Variants in OPHN1 observed in about 807,000 individuals in gnomAD.
OPHN1 encodes oligophrenin-1.
Under a neutral mutation model 60.7 loss-of-function variants are expected in OPHN1, and 11 were observed. The observed-to-expected ratio is 0.18, with a 90% confidence interval of 0.11 to 0.30. The LOEUF (loss-of-function observed/expected upper bound fraction) is 0.30, where lower values mean the gene tolerates loss of function less well. OPHN1 is among the 10% of genes least tolerant of loss of function. The probability of loss-of-function intolerance (pLI) is 1.00; values close to 1 mark genes in which losing one functional copy is unlikely to be tolerated. For synonymous variants in OPHN1, 226 were observed against 222.6 expected (o/e 1.02, Z -0.14); for missense variants, 449 against 611.0 (o/e 0.73, Z 2.80).
chrX:68,104,772 A>G (rs139664092), intron 18 of OPHN1, among the ~76,000 whole-genome samples: 15 of 112,314 alleles, frequency 1.3e-4, no homozygotes, highest in Non-Finnish European at 2.8e-4. Flanking sequence ...TGACTAAAAC[A>G]GCAAAAGCAA....
At chrX:68,052,652 C>T in intron 22 of OPHN1, 62 bp from the exon 23 acceptor site, 1 of 1,032,063 alleles carries the variant, frequency 9.7e-7, no homozygotes. Flanking sequence ...GAACCAATGG[C>T]CAACAGAAAG....
chrX:68,147,311 G>A (rs2077267951), intron 15 of OPHN1, among the ~76,000 whole-genome samples: 1 of 112,052 alleles, frequency 8.9e-6, no homozygotes, highest in African/African-American at 3.2e-5. Context: ...AATTCAGTGT[G>A]ATTGGGAGAG....
At chrX:68,053,564 C>T (rs1313444660) in intron 22 of OPHN1, 81 bp downstream of exon 22, 6 of 1,017,786 alleles carry the variant, frequency 5.9e-6, no homozygotes, top group Non-Finnish European at 8.2e-6. Context: ...GCACTGTATA[C>T]CCTTAATATG....
intron 6 of OPHN1, among the ~76,000 whole-genome samples, chrX:68,226,318 C>G (rs2077692150): frequency 9.0e-6 from 1 of 111,621 alleles, no homozygotes; most frequent in Non-Finnish European, 1.9e-5. Flanking sequence ...AGGATATTAT[C>G]CAGGAGAACT....
chrX:68,094,161 A>G (rs1279075780), intron 19 of OPHN1, among the ~76,000 whole-genome samples: 1 of 110,514 alleles, frequency 9.0e-6, no homozygotes, highest in African/African-American at 3.3e-5. Flanking sequence ...TGAAATGACT[A>G]CCCTCTCTCC....
At chrX:68,391,758 A>C (rs1223435149) in intron 2 of OPHN1, among the ~76,000 whole-genome samples, 3 of 111,417 alleles carry the variant, frequency 2.7e-5, no homozygotes, top group Non-Finnish European at 3.8e-5. Flanking sequence ...TGGAGGAGAG[A>C]AGTCAGTAAT....
intron 2 of OPHN1, among the ~76,000 whole-genome samples, chrX:68,354,823 T>C (rs2147709269): frequency 9.0e-6 from 1 of 111,414 alleles, no homozygotes; most frequent in East Asian, 2.8e-4. Context: ...GTAGTTCAAA[T>C]TCTGGCCATA....
At chrX:68,398,296 A>G (rs775799681) in intron 2 of OPHN1, among the ~76,000 whole-genome samples, 11 of 111,961 alleles carry the variant, frequency 9.8e-5, no homozygotes, top group African/African-American at 3.6e-4. Flanking sequence ...CAGTGCCCCA[A>G]TGCTTGCATG....
At chrX:68,217,166 C>T (rs1005888824) in intron 6 of OPHN1, among the ~76,000 whole-genome samples, 7 of 111,907 alleles carry the variant, frequency 6.3e-5, no homozygotes, top group Non-Finnish European at 1.1e-4. Context: ...AAAGGGGTGA[C>T]GGATGGCACC....
chrX:68,341,777 C>CA lies in OPHN1; in HGVS notation c.155-42682dup, dbSNP rs769044214. 3.7e-4 allele frequency among the ~76,000 whole-genome samples: 41 copies of CA among 110,112 alleles called. 3 individuals carry two copies. In the East Asian group the frequency reaches 5.8e-3, roughly 16 times the overall value. ...CACTTGAGCCTGGAGGTCACTGCTG[C>CA]AGTGAGTCATGATCGTGCCACTGCA... On this transcript the variant is annotated intron_variant, in intron 2 of 24. Coordinates refer to ENST00000355520, the MANE Select transcript of OPHN1 (RefSeq NM_002547.3).
At chrX:68,393,371 C>T (rs2078663808) in intron 2 of OPHN1, among the ~76,000 whole-genome samples, 2 of 111,877 alleles carry the variant, frequency 1.8e-5, no homozygotes, top group Admixed American at 1.9e-4. Flanking sequence ...GCTCAGTGCA[C>T]CCTCAAACTC....
chrX:68,350,229 C>T (rs769946971), intron 2 of OPHN1, among the ~76,000 whole-genome samples: 66 of 111,068 alleles, frequency 5.9e-4, no homozygotes, highest in African/African-American at 2.1e-3. Flanking sequence ...AAAATATGTA[C>T]ATCTATTATG....
chrX:68,263,323 T>A (rs2077903981), intron 5 of OPHN1, among the ~76,000 whole-genome samples: 1 of 111,871 alleles, frequency 8.9e-6, no homozygotes, highest in Admixed American at 9.5e-5. Flanking sequence ...CCTCTTCATA[T>A]GCCAGTAGCC....
chrX:68,092,652 T>G (rs2077023127), intron 19 of OPHN1, among the ~76,000 whole-genome samples: 1 of 111,449 alleles, frequency 9.0e-6, no homozygotes, highest in Non-Finnish European at 1.9e-5. Context: ...AATGGCCTCC[T>G]ATTATATCCT....
chrX:68,149,437 T>C (rs760953334), intron 15 of OPHN1, among the ~76,000 whole-genome samples: 5 of 111,876 alleles, frequency 4.5e-5, no homozygotes, highest in Non-Finnish European at 9.4e-5. Context: ...TTTCTCATAA[T>C]TAGTATCATT....
chrX:68,119,327 T>G lies in OPHN1; in HGVS notation c.1282A>C (p.Lys428Gln). Reference protein sequence around the residue: ...QKLLNAFFDPKCPGDVDFHNS... With the variant: ...QKLLNAFFDPQCPGDVDFHNS... ...TGAAAATCAACATCTCCTGGGCATT[T>G]AGGATCTATTTGAGAAAAGTAAACA... is the stretch of plus-strand genomic sequence containing the variant. The change falls in exon 16 of 25, where the codon AAA (lysine) becomes CAA (glutamine). Residue 428 changes from lysine (K) to glutamine (Q), a missense_variant. Lys to Gln is a moderately conservative substitution (Grantham distance 53). This residue lies in a region of OPHN1 where 166 missense variants were observed against 278.4 expected (regional missense o/e 0.60). Transcript: ENST00000355520. The G allele has an allele frequency of 8.5e-7, 1 of 1,173,827 alleles. No homozygotes were observed. The highest frequency in any genetic ancestry group is 3.0e-5 in the East Asian group (1 of 33,669).
chrX:68,260,877 T>C (rs1414928327), intron 5 of OPHN1, among the ~76,000 whole-genome samples: 1 of 111,647 alleles, frequency 9.0e-6, no homozygotes, highest in African/African-American at 3.3e-5. Flanking sequence ...CACTGGCCTT[T>C]GGAATGCAGA....
chrX:68,127,990 A>C (rs2077178441), intron 15 of OPHN1, among the ~76,000 whole-genome samples: 1 of 111,733 alleles, frequency 8.9e-6, no homozygotes, highest in South Asian at 3.8e-4. Context: ...AAGGAGATAG[A>C]ATAATCATTA....
intron 2 of OPHN1, among the ~76,000 whole-genome samples, chrX:68,306,726 T>A (rs748212334): frequency 1.8e-5 from 2 of 111,589 alleles, no homozygotes; most frequent in Non-Finnish European, 3.8e-5. Flanking sequence ...TTCCCCAAAT[T>A]CATCTTCTTT....
Sources: gnomAD v4.1 joint callset for allele counts (sites outside exome capture counted in the v4.1 genomes callset) on GRCh38, gnomAD v4.1.1 for gene constraint, gnomAD v4.1.1 regional missense constraint, MANE v1.5 for transcripts, NCBI Gene and HGNC (gene_info 2026-07-23, HGNC 2026-07-21) for gene names.